Variants in LHPP observed in about 807,000 individuals in gnomAD.
LHPP encodes phospholysine phosphohistidine inorganic pyrophosphate phosphatase, also known as hLHPP.
Under a neutral mutation model 30.3 loss-of-function variants are expected in LHPP, and 24 were observed. The ratio of observed to expected loss-of-function variants is 0.79; its 90% confidence interval spans 0.57 to 1.11. The LOEUF is 1.11. LHPP is among the 50% of genes most tolerant of loss of function. The pLI, the probability that LHPP is intolerant of heterozygous loss-of-function variation, is 0.00. For synonymous variants in LHPP, 150 were observed against 157.1 expected (o/e 0.95, Z 0.34); for missense variants, 356 against 367.2 (o/e 0.97, Z 0.25).
chr10:124,555,340 G>A (rs1307330662), intron 6 of LHPP, among the ~76,000 whole-genome samples: 1 of 152,206 alleles, frequency 6.6e-6, no homozygotes, highest in Non-Finnish European at 1.5e-5. Context: ...ACCCTAGAGT[G>A]AGATGGGGGC....
At chr10:124,497,679 G>A (rs1426454649) in intron 4 of LHPP, among the ~76,000 whole-genome samples, 2 of 152,230 alleles carry the variant, frequency 1.3e-5, no homozygotes, top group Non-Finnish European at 2.9e-5. Flanking sequence ...CTGCGAGTGG[G>A]CAGGGGAGAA....
intron 6 of LHPP, among the ~76,000 whole-genome samples, chr10:124,556,390 G>A (rs545748588): frequency 1.4e-4 from 21 of 152,204 alleles, no homozygotes; most frequent in Non-Finnish European, 2.1e-4. Flanking sequence ...CCCTGCTCCC[G>A]CGTGTGGACG....
In LHPP at chr10:124,604,957, G is replaced by A. The variant is rs1206505602; in HGVS notation, c.717-8307G>A. 3.9e-5 allele frequency among the ~76,000 whole-genome samples: 6 copies of A among 152,244 alleles called. No homozygotes were observed. In the East Asian group the frequency reaches 5.8e-4, roughly 15 times the overall value. On this transcript the variant is annotated intron_variant, in intron 6 of 6. Transcript: ENST00000368842. ...CGACTGGGAGTCCCGGGCAGCTCAG[G>A]TCCCTCAAGAGCCCCTCGGGGAGAG...
At chr10:124,553,482 G>A (rs1467356982) in intron 6 of LHPP, among the ~76,000 whole-genome samples, 4 of 121,372 alleles carry the variant, frequency 3.3e-5, no homozygotes, top group East Asian at 2.4e-4. Context: ...TTTTTGAGAC[G>A]GAGTCTCGCT....
chr10:124,549,210 G>A lies in LHPP; in HGVS notation c.716+31939G>A, dbSNP rs776384037. On this transcript the variant is annotated intron_variant, in intron 6 of 6. Coordinates refer to ENST00000368842, the MANE Select transcript of LHPP (RefSeq NM_022126.4). ...CCAACACTTTGGGAGGCCAAGGCAG[G>A]AGGATTGCTTGAGCACAGGATTTGA... is the stretch of plus-strand genomic sequence containing the variant. Among the ~76,000 whole-genome samples, 15 of 152,348 alleles carry A rather than the reference G, an allele frequency of 9.8e-5. No individual in the cohort carries two copies. In the South Asian group the frequency reaches 1.0e-3, roughly 11 times the overall value.
intron 6 of LHPP, among the ~76,000 whole-genome samples, chr10:124,530,260 G>T (rs1427017374): frequency 6.6e-6 from 1 of 151,982 alleles, no homozygotes; most frequent in Non-Finnish European, 1.5e-5. Flanking sequence ...GACCTCTCAG[G>T]GTTCACTCTC....
At chr10:124,518,549 C>T (rs1323938235) in intron 6 of LHPP, among the ~76,000 whole-genome samples, 1 of 152,264 alleles carries the variant, frequency 6.6e-6, no homozygotes, top group Non-Finnish European at 1.5e-5. Context: ...TCTCAGGGCA[C>T]ACCTGTGACC....
intron 6 of LHPP, among the ~76,000 whole-genome samples, chr10:124,606,439 G>C (rs865779761): frequency 1.3e-5 from 2 of 152,226 alleles, no homozygotes; most frequent in Non-Finnish European, 2.9e-5. Context: ...GCTGACAACT[G>C]TGAGTGTGGA....
intron 6 of LHPP, among the ~76,000 whole-genome samples, chr10:124,527,893 G>A (rs1360621833): frequency 2.0e-5 from 3 of 152,016 alleles, no homozygotes; most frequent in East Asian, 1.9e-4. Context: ...TGATTCTCCC[G>A]CCTCAGCCTC....
chr10:124,606,123 G>A (rs1464708843), intron 6 of LHPP, among the ~76,000 whole-genome samples: 1 of 152,200 alleles, frequency 6.6e-6, no homozygotes, highest in East Asian at 1.9e-4. Context: ...GAGGGAGGCT[G>A]CCCCCAGGAG....
rs912119977 is a variant in LHPP, at chr10:124,541,619, C to G, written c.716+24348C>G. Among the ~76,000 whole-genome samples the G allele has an allele frequency of 1.1e-4, 17 of 152,206 alleles. No individual in the cohort carries two copies. Among genetic ancestry groups the G allele is most frequent in the Admixed American group, 2.0e-4 (3 of 15,290 alleles). On this transcript the variant is annotated intron_variant, in intron 6 of 6. Coordinates refer to ENST00000368842, the MANE Select transcript of LHPP (RefSeq NM_022126.4). The surrounding 1 kb of genome is among the most constrained non-coding windows in gnomAD (Gnocchi z 4.2). ...GTGAGCCTGGGACCACCCGTGGGGACAGTGTGTGTCTAGGCAAATGCCTTG... is the reference window on the plus strand; with the variant it reads ...GTGAGCCTGGGACCACCCGTGGGGAGAGTGTGTGTCTAGGCAAATGCCTTG...
rs539865699 is a variant in LHPP, at chr10:124,463,935, G to C, written c.125+1948G>C. ...GGGCTCAAGAGATCCTCCCACCTCA[G>C]CCTCCCAAGTAGCTGGAACTACAGG... On this transcript the variant is annotated intron_variant, in intron 1 of 6. Transcript: ENST00000368842. 3.3e-5 allele frequency among the ~76,000 whole-genome samples: 5 copies of C among 150,198 alleles called. No individual in the cohort carries two copies. The East Asian group carries it at 5.9e-4, about 18-fold the overall frequency.
chr10:124,549,117 C>G (rs1047157910), intron 6 of LHPP, among the ~76,000 whole-genome samples: 1 of 152,218 alleles, frequency 6.6e-6, no homozygotes, highest in East Asian at 1.9e-4. Context: ...AACAATTTTC[C>G]GCAACGCATT....
Position 124,522,419 on chromosome 10 carries a change from T to C in LHPP, c.716+5148T>C, listed in dbSNP as rs74160918. Among the ~76,000 whole-genome samples, 946 of 152,284 alleles carry C rather than the reference T, an allele frequency of 6.2e-3. 19 individuals are homozygous for C. The highest frequency in any genetic ancestry group is 0.022 in the African/African-American group (918 of 41,564). On this transcript the variant is annotated intron_variant, in intron 6 of 6. Coordinates refer to ENST00000368842, the MANE Select transcript of LHPP (RefSeq NM_022126.4). ...CTCCTCCGTGGGGGGTCCTGTGCCATGGGTGGCAAATCCTCATGATGCCAT... is the reference window on the plus strand; with the variant it reads ...CTCCTCCGTGGGGGGTCCTGTGCCACGGGTGGCAAATCCTCATGATGCCAT...
intron 6 of LHPP, among the ~76,000 whole-genome samples, chr10:124,556,601 G>C (rs937812962): frequency 7.9e-5 from 12 of 152,218 alleles, no homozygotes; most frequent in African/African-American, 2.9e-4. Context: ...TACTTCTGCA[G>C]AATTCTCCCT....
In LHPP at chr10:124,581,303, T is replaced by C. The variant is rs540772707; in HGVS notation, c.717-31961T>C. ...ACACAGTTATTTATTCATTCCTGTG[T>C]TAGTGTATATTTGGGTTGTTTCTGC... On this transcript the variant is annotated intron_variant, in intron 6 of 6. Transcript: ENST00000368842. 1.3e-4 allele frequency among the ~76,000 whole-genome samples: 20 copies of C among 152,312 alleles called. No homozygotes were observed. In the East Asian group the frequency reaches 3.9e-3, roughly 29 times the overall value.
intron 6 of LHPP, among the ~76,000 whole-genome samples, chr10:124,610,994 GA>G (rs1382462287): frequency 1.1e-5 from 1 of 95,146 alleles, no homozygotes; most frequent in Non-Finnish European, 2.4e-5. Flanking sequence ...TGGAGCGGGT[GA>G]GGGTGTTAAT....
chr10:124,506,715 AAGTGG>A (rs1954087470), intron 5 of LHPP, among the ~76,000 whole-genome samples: 1 of 54,082 alleles, frequency 1.8e-5, no homozygotes, highest in Non-Finnish European at 3.4e-5. Context: ...GGAAGATTTC[AAGTGG>A]GGTGGGTAAG....
At chr10:124,585,444 G>T (rs1022534522) in intron 6 of LHPP, among the ~76,000 whole-genome samples, 1 of 151,526 alleles carries the variant, frequency 6.6e-6, no homozygotes, top group African/African-American at 2.4e-5. Context: ...GTGAAACCCC[G>T]ACTCTACTAA....
Sources: allele counts gnomAD v4.1 joint callset (sites outside exome capture counted in the v4.1 genomes callset), GRCh38; gene constraint gnomAD v4.1.1; non-coding constraint Gnocchi (gnomAD v3.1); transcripts MANE v1.5; gene names NCBI Gene and HGNC (gene_info 2026-07-23, HGNC 2026-07-21).